NRG1: variants seen among roughly 807,000 people sequenced by gnomAD.
NRG1 encodes pro-neuregulin-1, membrane-bound isoform.
In NRG1, 18 loss-of-function variants were observed where a neutral mutation model predicts 63.8. That is an observed-to-expected ratio of 0.28 (90% confidence interval 0.19 to 0.42). The LOEUF is 0.42. NRG1 is among the 10% of genes least tolerant of loss of function. The pLI, the probability that NRG1 is intolerant of heterozygous loss-of-function variation, is 1.00. For synonymous variants in NRG1, 302 were observed against 301.3 expected (o/e 1.00, Z -0.02); for missense variants, 762 against 814.7 (o/e 0.94, Z 0.79).
intron 1 of NRG1, among the ~76,000 whole-genome samples, chr8:32,240,495 C>T (rs111583255): frequency 4.1e-4 from 62 of 152,162 alleles, no homozygotes; most frequent in Non-Finnish European, 7.9e-4. Context: ...CTGGTGTTCA[C>T]GTGAATCTAC....
chr8:32,348,518 T>A (rs1428464361), intron 1 of NRG1, among the ~76,000 whole-genome samples: 2 of 152,220 alleles, frequency 1.3e-5, no homozygotes, highest in Non-Finnish European at 2.9e-5. Flanking sequence ...TTCTTTATAT[T>A]TTTAGATACC....
chr8:31,866,418 C>A (rs1563502954), intron 1 of NRG1, among the ~76,000 whole-genome samples: 2 of 152,018 alleles, frequency 1.3e-5, no homozygotes, highest in East Asian at 1.9e-4. Context: ...AAACGATAAT[C>A]TTTTTTTATT....
At chr8:32,329,668 G>T (rs552748560) in intron 1 of NRG1, among the ~76,000 whole-genome samples, 2 of 151,922 alleles carry the variant, frequency 1.3e-5, no homozygotes, top group East Asian at 1.9e-4. Context: ...GCTCTTGCTC[G>T]TATTAGCTGC....
intron 1 of NRG1, among the ~76,000 whole-genome samples, chr8:32,003,148 A>G (rs1813213871): frequency 6.6e-6 from 1 of 152,072 alleles, no homozygotes; most frequent in South Asian, 2.1e-4. Context: ...GTTGTAGTGT[A>G]CATTTGTGAT....
At chr8:31,909,410 A>C (rs1393998067) in intron 1 of NRG1, among the ~76,000 whole-genome samples, 1 of 152,042 alleles carries the variant, frequency 6.6e-6, no homozygotes, top group Non-Finnish European at 1.5e-5. Flanking sequence ...CCCTGGCTTA[A>C]TCTTCAGAGT....
At chr8:32,391,693 C>G (rs1467597010) in intron 1 of NRG1, among the ~76,000 whole-genome samples, 1 of 152,140 alleles carries the variant, frequency 6.6e-6, no homozygotes, top group Non-Finnish European at 1.5e-5. Flanking sequence ...AGGACATGAT[C>G]TCGTTCTTTT....
intron 1 of NRG1, among the ~76,000 whole-genome samples, chr8:31,673,041 T>C (rs1807320190): frequency 6.6e-6 from 1 of 151,916 alleles, no homozygotes; most frequent in Non-Finnish European, 1.5e-5. Flanking sequence ...TTGTCTCTGA[T>C]ATATGAGGTT....
chr8:32,727,967 C>G (rs371167537), exon 6 of NRG1: 30 of 1,613,938 alleles, frequency 1.9e-5, no homozygotes, highest in Non-Finnish European at 2.5e-5. Context: ...ACATCCACCA[C>G]TGGGACAAGC....
At chr8:32,291,138 G>T (rs1357237697) in intron 1 of NRG1, among the ~76,000 whole-genome samples, 3 of 152,178 alleles carry the variant, frequency 2.0e-5, no homozygotes, top group Non-Finnish European at 4.4e-5. Flanking sequence ...TCAGGGGAAG[G>T]TCGCCATTTT....
At chr8:31,742,026 T>C (rs7839079) in intron 1 of NRG1, among the ~76,000 whole-genome samples, 35,340 of 151,898 alleles carry the variant, frequency 0.23, 4,381 homozygotes, top group Admixed American at 0.27. Context: ...AAAATAACTG[T>C]AATGCAGTGT....
At chr8:31,726,756 C>T (rs1165268776) in intron 1 of NRG1, among the ~76,000 whole-genome samples, 2 of 144,690 alleles carry the variant, frequency 1.4e-5, no homozygotes, top group African/African-American at 2.6e-5. Context: ...ATTCCAGGCC[C>T]TGGAGAGTTG....
chr8:32,198,204 ATATCACCCTG>A (rs1843151525), intron 1 of NRG1, among the ~76,000 whole-genome samples: 1 of 152,104 alleles, frequency 6.6e-6, no homozygotes, highest in East Asian at 1.9e-4. Flanking sequence ...GTGAGGCAGA[ATATCACCCTG>A]TCCCACAGAC....
At chr8:31,882,409 C>T (rs1279180981) in intron 1 of NRG1, among the ~76,000 whole-genome samples, 2 of 150,796 alleles carry the variant, frequency 1.3e-5, no homozygotes, top group Non-Finnish European at 2.9e-5. Context: ...CACTCAAGAG[C>T]TCTGATGGAG....
At chr8:32,706,552 GGT>G (rs10604171) in intron 5 of NRG1, among the ~76,000 whole-genome samples, 100,937 of 150,708 alleles carry the variant, frequency 0.67, 35,424 homozygotes, top group Non-Finnish European at 0.79. Context: ...GGTATATATA[GGT>G]GTGTGTGTGT....
At chr8:31,903,332 G>T (rs1439833737) in intron 1 of NRG1, among the ~76,000 whole-genome samples, 1 of 151,542 alleles carries the variant, frequency 6.6e-6, no homozygotes, top group African/African-American at 2.4e-5. Flanking sequence ...TGTATTTTTA[G>T]TAGAGACGGG....
At chr8:32,345,002 G>C (rs545260523) in intron 1 of NRG1, among the ~76,000 whole-genome samples, 1 of 152,064 alleles carries the variant, frequency 6.6e-6, no homozygotes, top group African/African-American at 2.4e-5. Context: ...TCACAAAAAT[G>C]TCGGTATTCT....
intron 1 of NRG1, among the ~76,000 whole-genome samples, chr8:32,072,590 A>T (rs1825914341): frequency 6.6e-6 from 1 of 152,216 alleles, no homozygotes; most frequent in African/African-American, 2.4e-5. Context: ...AAATTCATAG[A>T]TAAAAATAAA....
At chr8:32,141,595 TATATATATATA>T (rs1836276430) in intron 1 of NRG1, among the ~76,000 whole-genome samples, 2 of 56,200 alleles carry the variant, frequency 3.6e-5, no homozygotes, top group African/African-American at 2.2e-4. Flanking sequence ...TGTGTGGGTA[TATATATATATA>T]TATATATATA....
In NRG1 at chr8:31,829,307, G is replaced by A. The variant is rs534554782; in HGVS notation, c.37+189876G>A. ...ATTCACTTCTGGCACCTTCATTTTT[G>A]CTTTTCATTTCCCCTAATACATTGC... is the stretch of plus-strand genomic sequence containing the variant. On this transcript the variant is annotated intron_variant, in intron 1 of 10. Coordinates refer to the NRG1 transcript ENST00000519301. 2.0e-5 allele frequency among the ~76,000 whole-genome samples: 3 copies of A among 152,188 alleles called. No homozygotes were observed. The South Asian group carries it at 6.2e-4, about 32-fold the overall frequency.
Sources: gnomAD v4.1 joint callset for allele counts (sites outside exome capture counted in the v4.1 genomes callset) on GRCh38, gnomAD v4.1.1 for gene constraint, MANE v1.5 for transcripts, NCBI Gene and HGNC (gene_info 2026-07-23, HGNC 2026-07-21) for gene names.